The following RANBP17 variants were observed in gnomAD, a reference collection of about 807,000 sequenced individuals.
RANBP17 encodes ran-binding protein 17.
In RANBP17, 158 loss-of-function variants were observed where a neutral mutation model predicts 141.2. The observed-to-expected ratio is 1.12, with a 90% confidence interval of 0.98 to 1.28. The LOEUF is 1.28. Ranked by LOEUF, RANBP17 falls within the 50% of genes most tolerant of loss-of-function variation. The pLI is 0.00. For synonymous variants in RANBP17, 430 were observed against 450.0 expected (o/e 0.96, Z 0.56); for missense variants, 1,438 against 1,290.7 (o/e 1.11, Z -1.75).
At chr5:171,027,060 G>C (rs1275910188) in intron 14 of RANBP17, among the ~76,000 whole-genome samples, 1 of 152,146 alleles carries the variant, frequency 6.6e-6, no homozygotes, top group Non-Finnish European at 1.5e-5. Context: ...TCTGAGGTGG[G>C]ACAGTTTTAT....
At chr5:171,073,053 G>A (rs578182675) in intron 14 of RANBP17, among the ~76,000 whole-genome samples, 3 of 152,116 alleles carry the variant, frequency 2.0e-5, no homozygotes, top group Non-Finnish European at 4.4e-5. Flanking sequence ...ACCAGGAGGT[G>A]GGGGAGGGGT....
chr5:170,941,927 C>T (rs1279065523), intron 12 of RANBP17, among the ~76,000 whole-genome samples: 1 of 152,162 alleles, frequency 6.6e-6, no homozygotes, highest in Non-Finnish European at 1.5e-5. Flanking sequence ...TCCTCTAGAA[C>T]AGGGGTCCCC....
chr5:171,200,206 T>A (rs943862813), intron 19 of RANBP17, among the ~76,000 whole-genome samples: 4 of 152,252 alleles, frequency 2.6e-5, no homozygotes, highest in Non-Finnish European at 5.9e-5. Flanking sequence ...AAGACTTTAT[T>A]AAATGGCTAG....
At chr5:171,121,216 T>A (rs1188217686) in intron 14 of RANBP17, among the ~76,000 whole-genome samples, 1 of 152,218 alleles carries the variant, frequency 6.6e-6, no homozygotes, top group Non-Finnish European at 1.5e-5. Flanking sequence ...TCGGCTGTCC[T>A]GGGGGTGTGC....
intron 14 of RANBP17, among the ~76,000 whole-genome samples, chr5:171,066,884 A>G (rs999591525): frequency 1.3e-5 from 2 of 152,222 alleles, no homozygotes; most frequent in Non-Finnish European, 2.9e-5. Context: ...AACAAATGCT[A>G]ATGGAAGTCC....
chr5:170,916,241 G>T (rs12109664), intron 8 of RANBP17, among the ~76,000 whole-genome samples: 1 of 9,274 alleles, frequency 1.1e-4, no homozygotes, highest in African/African-American at 2.4e-4. Flanking sequence ...ATTATAATGC[G>T]TTATATTCTA....
intron 14 of RANBP17, among the ~76,000 whole-genome samples, chr5:171,089,640 G>A (rs568182306): frequency 6.6e-6 from 1 of 152,186 alleles, no homozygotes; most frequent in African/African-American, 2.4e-5. Flanking sequence ...CTCCGAGCCA[G>A]GTGTGGGATA....
At chr5:170,918,228 C>G (rs1772130473) in intron 9 of RANBP17, 1 of 152,038 alleles carries the variant, frequency 6.6e-6, no homozygotes, top group Non-Finnish European at 1.5e-5. Flanking sequence ...CACGGAGTTG[C>G]TTGAGGGTAC....
At chr5:170,893,376 C>T (rs1415301886) in intron 4 of RANBP17, among the ~76,000 whole-genome samples, 1 of 152,124 alleles carries the variant, frequency 6.6e-6, no homozygotes, top group Non-Finnish European at 1.5e-5. Context: ...TTTACTCTTA[C>T]TCAGGATGAC....
At chr5:171,260,283 A>G (rs1766211232) in intron 24 of RANBP17, among the ~76,000 whole-genome samples, 1 of 140,810 alleles carries the variant, frequency 7.1e-6, no homozygotes, top group African/African-American at 2.6e-5. Flanking sequence ...CCTGGGTGAC[A>G]GAGTGAGACT....
chr5:171,211,859 T>C (rs1181671341), intron 20 of RANBP17, among the ~76,000 whole-genome samples: 1 of 152,212 alleles, frequency 6.6e-6, no homozygotes, highest in African/African-American at 2.4e-5. Flanking sequence ...TCATGTGAAC[T>C]GTTTTCTAAA....
intron 14 of RANBP17, among the ~76,000 whole-genome samples, chr5:171,051,189 G>A (rs1581495265): frequency 1.4e-5 from 2 of 138,268 alleles, no homozygotes; most frequent in Non-Finnish European, 1.5e-5. Context: ...TCATGAGACT[G>A]TAAGTTTATG....
intron 14 of RANBP17, among the ~76,000 whole-genome samples, chr5:170,969,652 T>C (rs1776847254): frequency 6.6e-6 from 1 of 151,982 alleles, no homozygotes; most frequent in Admixed American, 6.6e-5. Context: ...TCCTTCTAAG[T>C]GTTGTTTTGA....
chr5:171,240,841 A>T, intron 22 of RANBP17, 87 bp from the exon 23 acceptor site: 2 of 771,330 alleles, frequency 2.6e-6, no homozygotes, highest in Non-Finnish European at 4.2e-6. Context: ...GAACATTAGC[A>T]GTAAAGTAAA....
At chr5:171,292,034 C>T (rs529080174) in intron 25 of RANBP17, among the ~76,000 whole-genome samples, 8 of 152,254 alleles carry the variant, frequency 5.3e-5, no homozygotes, top group Admixed American at 2.6e-4. Context: ...TTAAAATATC[C>T]GTTCTGCCTT....
chr5:171,058,089 C>T (rs1442145624), intron 14 of RANBP17, among the ~76,000 whole-genome samples: 1 of 152,084 alleles, frequency 6.6e-6, no homozygotes, highest in Non-Finnish European at 1.5e-5. Flanking sequence ...GGGATTATGA[C>T]ATTTTCTGTA....
Position 171,271,222 on chromosome 5 carries a change from A to ATCAG in RANBP17, c.2943+5387_2943+5390dup, listed in dbSNP as rs916357578. ...GAAAGAACATTCACCCTTTTCCTCA[A>ATCAG]TCAGTCAGTCAGTCAATGAAAATTG... On this transcript the variant is annotated intron_variant, in intron 25 of 27. Coordinates refer to ENST00000523189, the MANE Select transcript of RANBP17 (RefSeq NM_022897.5). 22 of 205,870 alleles carry ATCAG rather than the reference A, an allele frequency of 1.1e-4. No homozygotes were observed. In the East Asian group the frequency reaches 1.6e-3, roughly 15 times the overall value. The allele number at this position is 205,870 out of a possible 1,614,324, so 12.8% of individuals were successfully genotyped here.
At chr5:171,173,650 G>A (rs1760247977) in intron 16 of RANBP17, among the ~76,000 whole-genome samples, 1 of 152,194 alleles carries the variant, frequency 6.6e-6, no homozygotes, top group African/African-American at 2.4e-5. Flanking sequence ...TTTTTAGGAA[G>A]TATTAAAAAG....
At chr5:171,287,913 A>T (rs534726579) in intron 25 of RANBP17, among the ~76,000 whole-genome samples, 1 of 151,726 alleles carries the variant, frequency 6.6e-6, no homozygotes, top group East Asian at 1.9e-4. Context: ...AATAGTCTGA[A>T]TTTTTTTCTC....
Sources: gnomAD v4.1 joint callset for allele counts (sites outside exome capture counted in the v4.1 genomes callset) on GRCh38, gnomAD v4.1.1 for gene constraint, MANE v1.5 for transcripts, NCBI Gene and HGNC (gene_info 2026-07-23, HGNC 2026-07-21) for gene names.